FAM241A: variants seen among roughly 807,000 people sequenced by gnomAD.
The protein encoded by FAM241A is family with sequence similarity 241 member A, also known as uncharacterized protein FAM241A.
FAM241A carries 7 observed loss-of-function variants against 12.2 expected under a neutral mutation model. That is an observed-to-expected ratio of 0.58 (90% CI 0.33 to 1.08). The LOEUF is 1.08. FAM241A is among the 50% of genes least tolerant of loss of function. FAM241A has a pLI of 0.04. For synonymous variants in FAM241A, 74 were observed against 68.2 expected, an observed-to-expected ratio of 1.08 and a Z score of -0.42; for missense variants, 161 against 169.7, an observed-to-expected ratio of 0.95 and a Z score of 0.29.
chr4:112,181,838 A>G (rs1723949145), intron 1 of FAM241A, among the ~76,000 whole-genome samples: 1 of 152,220 alleles, frequency 6.6e-6, no homozygotes, highest in Admixed American at 6.5e-5. Flanking sequence ...GCAGGGCCTC[A>G]TAGATCATGT....
Position 112,187,041 on chromosome 4 carries a change from A to G in FAM241A, c.*103A>G, listed in dbSNP as rs1002832619. 19 of 1,317,076 alleles carry G rather than the reference A, an allele frequency of 1.4e-5. No individual in the cohort carries two copies. Among genetic ancestry groups the G allele is most frequent in the Admixed American group, 1.1e-4 (5 of 44,268 alleles). The allele number at this position is 1,317,076 out of a possible 1,614,324, so 81.6% of individuals were successfully genotyped here. A position where few individuals can be genotyped will look rare whatever the true frequency, so the allele number is the denominator to read the frequency against. ...AACCGAAAAAGTTTGCCTTGTTTCAAATCATGTGCTGGCTGTTTTGTAAGT... is the reference window on the plus strand; with the variant it reads ...AACCGAAAAAGTTTGCCTTGTTTCAGATCATGTGCTGGCTGTTTTGTAAGT... On this transcript the variant is annotated 3_prime_UTR_variant, in exon 2 of 2. Transcript: ENST00000309733.
At chr4:112,167,840 C>T (rs1723629825) in intron 1 of FAM241A, among the ~76,000 whole-genome samples, 1 of 152,150 alleles carries the variant, frequency 6.6e-6, no homozygotes, top group Non-Finnish European at 1.5e-5. Context: ...TGCAAGCTAG[C>T]CTATTCTGTG....
At chr4:112,181,058 C>T (rs1010339737) in intron 1 of FAM241A, among the ~76,000 whole-genome samples, 1 of 152,058 alleles carries the variant, frequency 6.6e-6, no homozygotes, top group African/African-American at 2.4e-5. Context: ...AGTCATTGTT[C>T]CAAAGTGGAT....
Position 112,187,950 on chromosome 4 carries a change from A to C in FAM241A, c.*1012A>C, listed in dbSNP as rs750147433. 6.6e-6 allele frequency: 1 copy of C among 152,132 alleles called. No homozygotes were observed. The highest frequency in any genetic ancestry group is 1.5e-5 in the Non-Finnish European group (1 of 67,970). The allele number at this position is 152,132 out of a possible 1,614,324, so 9.4% of individuals were successfully genotyped here. On this transcript the variant is annotated 3_prime_UTR_variant, in exon 2 of 2. Coordinates refer to ENST00000309733, the MANE Select transcript of FAM241A (RefSeq NM_152400.3). ...TATATCAGAAAGGTACAATATTAAC[A>C]GTATAAAACCAAATGCTTAAATTTG...
chr4:112,150,003 C>T lies in FAM241A; in HGVS notation c.153+4270C>T, dbSNP rs1021996626. On this transcript the variant is annotated intron_variant, in intron 1 of 1. Transcript: ENST00000309733. ...TACACACACCACTCACATGTATACA[C>T]GTATCTCTTTCTATACATATTAAGA... Among the ~76,000 whole-genome samples the T allele has an allele frequency of 5.9e-5, 9 of 152,116 alleles. No individual in the cohort carries two copies. The East Asian group carries it at 7.7e-4, about 13-fold the overall frequency.
chr4:112,173,524 T>TA (rs1723764030), intron 1 of FAM241A, among the ~76,000 whole-genome samples: 1 of 152,186 alleles, frequency 6.6e-6, no homozygotes, highest in Non-Finnish European at 1.5e-5. Flanking sequence ...ATTGCCCACT[T>TA]AATGATATGT....
At chr4:112,172,483 T>C (rs1723744572) in intron 1 of FAM241A, among the ~76,000 whole-genome samples, 1 of 152,224 alleles carries the variant, frequency 6.6e-6, no homozygotes, top group Non-Finnish European at 1.5e-5. Context: ...ACACACCATA[T>C]CATTTTTAAA....
At chr4:112,170,689 ATTAT>A (rs1723701310) in intron 1 of FAM241A, among the ~76,000 whole-genome samples, 2 of 152,122 alleles carry the variant, frequency 1.3e-5, no homozygotes, top group African/African-American at 4.8e-5. Flanking sequence ...AAATTTACAA[ATTAT>A]TTATTTATGG....
chr4:112,160,919 TA>T, intron 1 of FAM241A, among the ~76,000 whole-genome samples: 1 of 152,252 alleles, frequency 6.6e-6, no homozygotes, highest in African/African-American at 2.4e-5. Flanking sequence ...CAAAATGAAT[TA>T]AAGACTGAAA....
chr4:112,170,020 C>A (rs1015023195), intron 1 of FAM241A, among the ~76,000 whole-genome samples: 10 of 152,104 alleles, frequency 6.6e-5, no homozygotes, highest in African/African-American at 2.4e-4. Flanking sequence ...TTAAGTGGAA[C>A]AAAATTCCAG....
At chr4:112,149,082 ATTTTGG>A (rs1723195623) in intron 1 of FAM241A, among the ~76,000 whole-genome samples, 1 of 430 alleles carries the variant, frequency 2.3e-3, no homozygotes. Context: ...ATCCCACTCT[ATTTTGG>A]GATTTTGATA....
chr4:112,172,372 A>G (rs1361238560), intron 1 of FAM241A, among the ~76,000 whole-genome samples: 1 of 152,240 alleles, frequency 6.6e-6, no homozygotes, highest in African/African-American at 2.4e-5. Flanking sequence ...GCAGGTGACT[A>G]AATTCTGAAG....
At chr4:112,161,544 A>G (rs1461544012) in intron 1 of FAM241A, among the ~76,000 whole-genome samples, 1 of 152,210 alleles carries the variant, frequency 6.6e-6, no homozygotes, top group African/African-American at 2.4e-5. Flanking sequence ...CTACGCAAGT[A>G]AACTAGAAAA....
rs146107005 is a variant in FAM241A, at chr4:112,164,204, G to A, written c.153+18471G>A. ...GGTGCAGCACACCAACATGGCACAT[G>A]TATACATGTGTAACAAACCTACACA... is the stretch of plus-strand genomic sequence containing the variant. On this transcript the variant is annotated intron_variant, in intron 1 of 1. Transcript: ENST00000309733. 1.8e-3 allele frequency among the ~76,000 whole-genome samples: 267 copies of A among 151,736 alleles called. 1 individual carries two copies. Among genetic ancestry groups the A allele is most frequent in the Admixed American group, 2.0e-3 (31 of 15,238 alleles).
At chr4:112,163,375 C>T (rs1336150342) in intron 1 of FAM241A, among the ~76,000 whole-genome samples, 2 of 152,088 alleles carry the variant, frequency 1.3e-5, no homozygotes, top group Non-Finnish European at 2.9e-5. Context: ...AACAGGCAAC[C>T]TACAGAATGG....
intron 1 of FAM241A, among the ~76,000 whole-genome samples, chr4:112,167,740 T>A (rs1394161471): frequency 6.6e-6 from 1 of 152,214 alleles, no homozygotes; most frequent in African/African-American, 2.4e-5. Context: ...GGGTTATTAT[T>A]TTGTATACCC....
At chr4:112,175,018 T>A (rs975342559) in intron 1 of FAM241A, among the ~76,000 whole-genome samples, 1 of 152,240 alleles carries the variant, frequency 6.6e-6, no homozygotes, top group Non-Finnish European at 1.5e-5. Flanking sequence ...TGGCTGAATG[T>A]GTAAAGTGCT....
At chr4:112,170,281 C>T (rs1168340663) in intron 1 of FAM241A, among the ~76,000 whole-genome samples, 2 of 152,164 alleles carry the variant, frequency 1.3e-5, no homozygotes, top group Non-Finnish European at 2.9e-5. Flanking sequence ...GGGATACATT[C>T]TAAGACCCCC....
In FAM241A at chr4:112,188,008, G is replaced by A. The variant is rs1474872598; in HGVS notation, c.*1070G>A. On this transcript the variant is annotated 3_prime_UTR_variant, in exon 2 of 2. Coordinates refer to ENST00000309733, the MANE Select transcript of FAM241A (RefSeq NM_152400.3). ...GCCAATTTTGATAATCTTTTTCTAA[G>A]GCTAAAGTCACATCAGTAATTGGCT... 1 of 151,968 alleles carries A rather than the reference G, an allele frequency of 6.6e-6. No homozygotes were observed. Among genetic ancestry groups the A allele is most frequent in the Non-Finnish European group, 1.5e-5 (1 of 67,958 alleles). The allele number at this position is 151,968 out of a possible 1,614,324, so 9.4% of individuals were successfully genotyped here. A position where few individuals can be genotyped will look rare whatever the true frequency, so the allele number is the denominator to read the frequency against.
Sources: gnomAD v4.1 joint callset for allele counts (sites outside exome capture counted in the v4.1 genomes callset) on GRCh38, gnomAD v4.1.1 for gene constraint, MANE v1.5 for transcripts, NCBI Gene and HGNC (gene_info 2026-07-23, HGNC 2026-07-21) for gene names.